The following TSPAN32 variants were observed in gnomAD, a reference collection of about 807,000 sequenced individuals.
TSPAN32 encodes tetraspanin 32.
In TSPAN32, 47 loss-of-function variants were observed where a neutral mutation model predicts 42.7. That is an observed-to-expected ratio of 1.10 (90% CI 0.87 to 1.40). The LOEUF (loss-of-function observed/expected upper bound fraction) is 1.40. Ranked by LOEUF, TSPAN32 falls within the 40% of genes most tolerant of loss-of-function variation. The pLI is 0.00. For missense variants in TSPAN32, 469 were observed against 424.1 expected (o/e 1.11, Z -0.93); for synonymous variants, 175 against 175.9 (o/e 0.99, Z 0.04).
chr11:2,302,974 GC>G lies in TSPAN32; in HGVS notation c.181+18del. 1.9e-6 allele frequency: 3 copies of G among 1,606,816 alleles called. No homozygotes were observed. The highest frequency in any genetic ancestry group is 2.6e-6 in the Non-Finnish European group (3 of 1,174,788). ...CACCAATGGGGTAAGTGAGGTCCAG[GC>G]CTGGCTGCATCGGGAGGGGCCTCGG... On this transcript the variant is annotated intron_variant, in intron 2 of 9. Transcript: ENST00000182290.
rs1228507540 is a variant in TSPAN32 at position 2,302,192 on chromosome 11, C to T, written c.43C>T (p.Leu15=). The change falls in exon 1 of 10, where the codon CTG becomes TTG. Residue 15 remains leucine, a synonymous_variant. Coordinates refer to ENST00000182290, the MANE Select transcript of TSPAN32 (RefSeq NM_139022.3). ...AGTCAGGGTTGCCAAATGCCAGATG[C>T]TGGTCACCTGCTTCTTTATCTTGGT... ...SRVRVAKCQM[L]VTCFFILLLG... 1.4e-6 allele frequency: 2 copies of T among 1,401,202 alleles called. No homozygotes were observed. Among genetic ancestry groups the T allele is most frequent in the East Asian group, 2.6e-5 (1 of 38,686 alleles). The allele number at this position is 1,401,202 out of a possible 1,614,324, so 86.8% of individuals were successfully genotyped here. A position where few individuals can be genotyped will look rare whatever the true frequency, so the allele number is the denominator to read the frequency against.
At chr11:2,315,163 CCCAG>C in intron 6 of TSPAN32, 7 of 696,498 alleles carry the variant, frequency 1.0e-5, no homozygotes, top group African/African-American at 2.0e-5. Context: ...GCAGCCCTCC[CCCAG>C]CCCACCCTGC....
intron 6 of TSPAN32, 108 bp downstream of exon 6, chr11:2,314,679 C>A: frequency 1.1e-6 from 1 of 872,290 alleles, no homozygotes; most frequent in Non-Finnish European, 1.8e-6. Flanking sequence ...CCTTGGCCTC[C>A]CCAGACCCTT....
chr11:2,312,598 G>C (rs1666763652), intron 4 of TSPAN32, among the ~76,000 whole-genome samples: 1 of 152,224 alleles, frequency 6.6e-6, no homozygotes. Flanking sequence ...CTGACCGAGA[G>C]CCTCCACTGC....
chr11:2,305,068 C>T (rs993345631), intron 3 of TSPAN32, among the ~76,000 whole-genome samples: 1 of 152,206 alleles, frequency 6.6e-6, no homozygotes, highest in African/African-American at 2.4e-5. Flanking sequence ...GCAGAGCCTC[C>T]TGGGTCCCCA....
Position 2,313,720 on chromosome 11 carries a change from G to T in TSPAN32, c.421G>T (p.Val141Phe). The T allele has an allele frequency of 6.2e-7, 1 of 1,606,996 alleles. No individual in the cohort carries two copies. The highest frequency in any genetic ancestry group is 8.5e-7 in the Non-Finnish European group (1 of 1,177,930). Reference sequence around the variant, plus strand: ...GCAGGCGATGAAAGGTACGTCCCACGTCCGGCGGCAGGAGCTGGCGGCCAT... The same window carrying T: ...GCAGGCGATGAAAGGTACGTCCCACTTCCGGCGGCAGGAGCTGGCGGCCAT... Reference protein sequence around the residue: ...YEQAMKGTSHVRRQELAAIQD... With the variant: ...YEQAMKGTSHFRRQELAAIQD... Residue 141 changes from valine (V) to phenylalanine (F), a missense_variant, in exon 5 of 10, where the codon GTC (valine) becomes TTC (phenylalanine). Coordinates refer to ENST00000182290, the MANE Select transcript of TSPAN32 (RefSeq NM_139022.3). The surrounding 1 kb of genome is among the most constrained non-coding windows in gnomAD (Gnocchi z 9.1).
In TSPAN32 at chr11:2,308,728, GC is replaced by G. The variant is rs766680626; in HGVS notation, c.280-3del. Reference sequence around the variant, plus strand: ...CCTCAACAGTGACCAGCCCCGCTCTGCCCCCAGGGCTTCCTGTGCTTCTCCC... The same window carrying G: ...CCTCAACAGTGACCAGCCCCGCTCTGCCCCAGGGCTTCCTGTGCTTCTCCC... On this transcript the variant is annotated splice_polypyrimidine_tract_variant and splice_region_variant and intron_variant, in intron 3 of 9. Coordinates refer to ENST00000182290, the MANE Select transcript of TSPAN32 (RefSeq NM_139022.3). 5 of 1,551,620 alleles carry G rather than the reference GC, an allele frequency of 3.2e-6. No individual in the cohort carries two copies. In the South Asian group the frequency reaches 4.7e-5, roughly 15 times the overall value.
Position 2,304,135 on chromosome 11 carries a change from C to A in TSPAN32, c.210C>A (p.Gly70=). The A allele has an allele frequency of 1.3e-6, 2 of 1,587,520 alleles. No homozygotes were observed. The highest frequency in any genetic ancestry group is 8.6e-7 in the Non-Finnish European group (1 of 1,167,082). ...TCTCTGCGGGGTTGAGCCTGGTGGGCCTCCTGACTCTGGGAGCCGTGCTGA... is the reference window on the plus strand; with the variant it reads ...TCTCTGCGGGGTTGAGCCTGGTGGGACTCCTGACTCTGGGAGCCGTGCTGA... ...WAFSAGLSLV[G]LLTLGAVLSA... Residue 70 remains glycine, a synonymous_variant, in exon 3 of 10, where the codon GGC becomes GGA. Coordinates refer to ENST00000182290, the MANE Select transcript of TSPAN32 (RefSeq NM_139022.3). The surrounding 1 kb of genome is among the most constrained non-coding windows in gnomAD (Gnocchi z 4.8).
At position 2,313,654 on chromosome 11, in the gene TSPAN32, G is replaced by T; in HGVS notation, c.355G>T (p.Val119Leu). The T allele has an allele frequency of 6.2e-7, 1 of 1,602,278 alleles. No individual in the cohort carries two copies. The highest frequency in any genetic ancestry group is 1.1e-5 in the South Asian group (1 of 88,724). Reference sequence around the variant, plus strand: ...ACCTCCCTGTGGTCTCTCGGTGCAGGTGGAGGACGCCATGCTGGACACCTA... The same window carrying T: ...ACCTCCCTGTGGTCTCTCGGTGCAGTTGGAGGACGCCATGCTGGACACCTA... ...VFWRLHSPTQ[V>L]EDAMLDTYDL... The change falls in exon 5 of 10, where the codon GTG becomes TTG. Residue 119 changes from valine (V) to leucine (L), a missense_variant and splice_region_variant. Val to Leu is a conservative substitution (Grantham distance 32, BLOSUM62 1). Transcript: ENST00000182290. This position sits in a 1 kb window ranked among gnomAD's most constrained non-coding sequence, Gnocchi z 9.1.
At chr11:2,314,709 C>A in intron 6 of TSPAN32, 138 bp downstream of exon 6, 1 of 679,924 alleles carries the variant, frequency 1.5e-6, no homozygotes, top group Non-Finnish European at 2.5e-6. Context: ...CGCTGAAGGG[C>A]TCAGGGAAGG....
At position 2,313,558 on chromosome 11, in the gene TSPAN32, C is replaced by A. The variant is rs1474029866; in HGVS notation, c.355-96C>A. ...GGCAGTGCTGGGACGTCACTCAGCA[C>A]TAAGGGCCCACTAGCGTTTGGGATG... On this transcript the variant is annotated intron_variant, in intron 4 of 9. Transcript: ENST00000182290. The surrounding 1 kb of genome is among the most constrained non-coding windows in gnomAD (Gnocchi z 9.1). 1.3e-5 allele frequency: 13 copies of A among 978,082 alleles called. No homozygotes were observed. The highest frequency in any genetic ancestry group is 1.8e-5 in the Non-Finnish European group (12 of 649,976). The allele number at this position is 978,082 out of a possible 1,614,324, so 60.6% of individuals were successfully genotyped here.
At chr11:2,315,313 G>A in intron 6 of TSPAN32, 1 of 1,173,294 alleles carries the variant, frequency 8.5e-7, no homozygotes, top group Non-Finnish European at 1.1e-6. Context: ...GCCTGGTGAG[G>A]GGTGGAGCCA....
chr11:2,309,525 G>C (rs1589806388), intron 4 of TSPAN32: 5 of 365,088 alleles, frequency 1.4e-5, no homozygotes, highest in Non-Finnish European at 2.9e-5. Flanking sequence ...GAGCCCCCAG[G>C]GCAGCCGGGC....
intron 4 of TSPAN32, among the ~76,000 whole-genome samples, chr11:2,311,332 G>A (rs371321642): frequency 2.0e-5 from 3 of 152,320 alleles, no homozygotes; most frequent in South Asian, 2.1e-4. Flanking sequence ...GGCAGGAGGC[G>A]TGGACCGGGC....
At chr11:2,314,672 T>C in intron 6 of TSPAN32, 101 bp downstream of exon 6, 1 of 938,932 alleles carries the variant, frequency 1.1e-6, no homozygotes, top group Non-Finnish European at 1.7e-6. Context: ...CCCCACCCCT[T>C]GGCCTCCCCA....
intron 6 of TSPAN32, 125 bp downstream of exon 6, chr11:2,314,696 T>G (rs1243383662): frequency 1.4e-6 from 1 of 734,908 alleles, no homozygotes. Context: ...CCTTGGGAAC[T>G]GCCGCTGAAG....
At chr11:2,315,668 A>C (rs1054919212) in intron 6 of TSPAN32, 25 of 1,190,886 alleles carry the variant, frequency 2.1e-5, no homozygotes, top group Non-Finnish European at 2.0e-5. Context: ...AGGCCGCCCC[A>C]GTTGCCATCA....
rs779628656 is a variant in TSPAN32, at chr11:2,313,686, G to A, written c.387G>A (p.Leu129=). ...VEDAMLDTYD[L]VYEQAMKGTS... is the part of the protein sequence containing the mutation. Reference sequence around the variant, plus strand: ...ACGCCATGCTGGACACCTACGACCTGGTATATGAGCAGGCGATGAAAGGTA... The same window carrying A: ...ACGCCATGCTGGACACCTACGACCTAGTATATGAGCAGGCGATGAAAGGTA... Residue 129 remains leucine, a synonymous_variant, in exon 5 of 10, where the codon CTG becomes CTA. Coordinates refer to ENST00000182290, the MANE Select transcript of TSPAN32 (RefSeq NM_139022.3). This position sits in a 1 kb window ranked among gnomAD's most constrained non-coding sequence, Gnocchi z 9.1. The A allele has an allele frequency of 3.7e-6, 6 of 1,609,070 alleles. No homozygotes were observed. The highest frequency in any genetic ancestry group is 5.1e-6 in the Non-Finnish European group (6 of 1,178,358).
chr11:2,307,425 C>T (rs1048760432), intron 3 of TSPAN32, among the ~76,000 whole-genome samples: 6 of 152,304 alleles, frequency 3.9e-5, no homozygotes, highest in East Asian at 1.9e-4. Context: ...AGGGGGCTGG[C>T]GTTTCACCGG....
Sources: gnomAD v4.1 joint callset for allele counts (sites outside exome capture counted in the v4.1 genomes callset) on GRCh38, gnomAD v4.1.1 for gene constraint, Gnocchi (gnomAD v3.1) non-coding constraint, MANE v1.5 for transcripts, NCBI Gene and HGNC (gene_info 2026-07-23, HGNC 2026-07-21) for gene names.